TUSC3: variants seen among roughly 807,000 people sequenced by gnomAD.
TUSC3 encodes the protein dolichyl-diphosphooligosaccharide--protein glycosyltransferase subunit TUSC3.
TUSC3 carries 45 observed loss-of-function variants against 44.8 expected under a neutral mutation model. The observed-to-expected ratio is 1.00, with a 90% CI of 0.79 to 1.29. The LOEUF (loss-of-function observed/expected upper bound fraction) is 1.29. TUSC3 is among the 50% of genes most tolerant of loss of function. The pLI, the probability that TUSC3 is intolerant of heterozygous loss-of-function variation, is 0.00. For synonymous variants in TUSC3, 212 were observed against 152.9 expected (o/e 1.39, Z -2.85); for missense variants, 519 against 437.9 (o/e 1.19, Z -1.65).
At chr8:15,773,634 T>A in the TUSC3 span, among the ~76,000 whole-genome samples, 1 of 152,138 alleles carries the variant, frequency 6.6e-6, no homozygotes, top group Non-Finnish European at 1.5e-5. Context: ...AAAGCATTTA[T>A]TGAAAAAGAA....
At chr8:15,807,229 C>G in the TUSC3 span, 16 of 676,056 alleles carry the variant, frequency 2.4e-5, no homozygotes, top group Admixed American at 3.1e-4. Context: ...AACTAATTAC[C>G]CCACCCCCAG....
intron 2 of TUSC3, among the ~76,000 whole-genome samples, chr8:15,639,977 A>C (rs896352332): frequency 6.6e-6 from 1 of 152,126 alleles, no homozygotes; most frequent in African/African-American, 2.4e-5. Context: ...TTAACATAGC[A>C]GGCCTGAGAT....
At chr8:15,680,461 T>G (rs1263605734) in intron 6 of TUSC3, among the ~76,000 whole-genome samples, 1 of 152,158 alleles carries the variant, frequency 6.6e-6, no homozygotes, top group Non-Finnish European at 1.5e-5. Flanking sequence ...CCTGAAACTT[T>G]ACTGAAATCG....
intron 2 of TUSC3, among the ~76,000 whole-genome samples, chr8:15,484,972 G>T (rs187411226): frequency 6.6e-6 from 1 of 152,286 alleles, no homozygotes; most frequent in East Asian, 1.9e-4. Context: ...TCTTCTCACA[G>T]TATGGCGTAT....
chr8:15,676,550 C>G (rs1563167280), intron 6 of TUSC3, among the ~76,000 whole-genome samples: 1 of 152,108 alleles, frequency 6.6e-6, no homozygotes, highest in African/African-American at 2.4e-5. Context: ...TTTGCCAAGG[C>G]CAGTGTCCAG....
intron 6 of TUSC3, among the ~76,000 whole-genome samples, chr8:15,691,088 T>A (rs1353443589): frequency 6.6e-6 from 1 of 151,856 alleles, no homozygotes; most frequent in Middle Eastern, 3.2e-3. Context: ...TGTGGATTGC[T>A]TTGGGCAGTG....
At chr8:15,423,691 G>T (rs1196661407) in intron 1 of TUSC3, among the ~76,000 whole-genome samples, 1 of 152,120 alleles carries the variant, frequency 6.6e-6, no homozygotes, top group East Asian at 1.9e-4. Flanking sequence ...TCCTCCTAAA[G>T]CGGGGAGAGT....
At chr8:15,731,550 G>T (rs906937215) in intron 7 of TUSC3, among the ~76,000 whole-genome samples, 1 of 152,090 alleles carries the variant, frequency 6.6e-6, no homozygotes, top group African/African-American at 2.4e-5. Context: ...CATTTTATAT[G>T]TAGGAACACT....
intron 1 of TUSC3, among the ~76,000 whole-genome samples, chr8:15,596,182 A>G (rs566392969): frequency 2.0e-5 from 3 of 152,328 alleles, no homozygotes; most frequent in African/African-American, 7.2e-5. Context: ...ACATATATCC[A>G]TCTATAATAA....
intron 2 of TUSC3, among the ~76,000 whole-genome samples, chr8:15,510,455 T>C (rs567718102): frequency 2.0e-4 from 30 of 151,662 alleles, no homozygotes; most frequent in East Asian, 1.9e-3. Context: ...TGAGGAAATA[T>C]TATATATAAA....
chr8:15,490,780 T>C (rs1809798), intron 2 of TUSC3, among the ~76,000 whole-genome samples: 115,042 of 152,190 alleles, frequency 0.76, 43,627 homozygotes, highest in East Asian at 0.81. Flanking sequence ...AAACAATCTG[T>C]TACAGGAGAT....
At chr8:15,482,298 A>G (rs974420596) in intron 1 of TUSC3, among the ~76,000 whole-genome samples, 1 of 152,158 alleles carries the variant, frequency 6.6e-6, no homozygotes, top group African/African-American at 2.4e-5. Flanking sequence ...GTTGGAATCA[A>G]CTTCTTTCAA....
At chr8:15,568,359 GAGCTTCTAT>G (rs1310766731) in intron 1 of TUSC3, among the ~76,000 whole-genome samples, 1 of 152,046 alleles carries the variant, frequency 6.6e-6, no homozygotes, top group African/African-American at 2.4e-5. Flanking sequence ...TGCCCTCAGG[GAGCTTCTAT>G]AGCTAGAGGG....
chr8:15,594,511 G>C (rs1479267340), intron 1 of TUSC3, among the ~76,000 whole-genome samples: 1 of 152,100 alleles, frequency 6.6e-6, no homozygotes, highest in East Asian at 1.9e-4. Flanking sequence ...GACTATCATT[G>C]AGGTTTGTTC....
chr8:15,769,045 A>T (rs571465692), downstream of TUSC3, among the ~76,000 whole-genome samples: 13 of 152,200 alleles, frequency 8.5e-5, no homozygotes, highest in Non-Finnish European at 1.9e-4. Flanking sequence ...CCTGCCATTG[A>T]CTTTCTTTAT....
intron 2 of TUSC3, among the ~76,000 whole-genome samples, chr8:15,626,425 C>G (rs376422002): frequency 6.6e-6 from 1 of 152,166 alleles, no homozygotes; most frequent in Non-Finnish European, 1.5e-5. Flanking sequence ...CCAGTGGGAG[C>G]GGGGAGCAGA....
chr8:15,418,200 G>T (rs1054200212), intron 1 of TUSC3, among the ~76,000 whole-genome samples: 2 of 152,166 alleles, frequency 1.3e-5, no homozygotes, highest in Non-Finnish European at 2.9e-5. Flanking sequence ...TGGGGCTTTT[G>T]TGGGTTGGTC....
At chr8:15,441,574 A>G (rs1429323859) in intron 1 of TUSC3, among the ~76,000 whole-genome samples, 7 of 152,356 alleles carry the variant, frequency 4.6e-5, no homozygotes, top group Non-Finnish European at 7.3e-5. Context: ...GTTAGAATGC[A>G]TAATAGGCTA....
chr8:15,722,285 C>G (rs117547278), intron 6 of TUSC3, among the ~76,000 whole-genome samples: 3 of 151,140 alleles, frequency 2.0e-5, no homozygotes, highest in Non-Finnish European at 2.9e-5. Context: ...AACACCTAGA[C>G]TACCAGTCTT....
Sources: gnomAD v4.1 joint callset for allele counts (sites outside exome capture counted in the v4.1 genomes callset) on GRCh38, gnomAD v4.1.1 for gene constraint, MANE v1.5 for transcripts, NCBI Gene and HGNC (gene_info 2026-07-23, HGNC 2026-07-21) for gene names.